Variants in CYP46A1 observed in about 807,000 individuals in gnomAD.
The protein encoded by CYP46A1 is cytochrome P450 family 46 subfamily A member 1.
A neutral mutation model predicts 63.3 loss-of-function variants in CYP46A1; 20 were observed. That is an observed-to-expected ratio of 0.32 (90% confidence interval 0.22 to 0.46). The LOEUF (loss-of-function observed/expected upper bound fraction) is 0.46, where lower values mean the gene tolerates loss of function less well. Ranked by LOEUF, CYP46A1 falls within the 20% of genes least tolerant of loss-of-function variation. CYP46A1 has a pLI of 1.00. For synonymous variants in CYP46A1, 268 were observed against 273.6 expected (o/e 0.98, Z 0.20); for missense variants, 445 against 670.8 (o/e 0.66, Z 3.72).
intron 3 of CYP46A1, among the ~76,000 whole-genome samples, chr14:99,695,978 CTGTTA>C (rs2056584341): frequency 6.6e-6 from 1 of 151,918 alleles, no homozygotes; most frequent in Admixed American, 6.6e-5. Flanking sequence ...TATCTTTTTT[CTGTTA>C]TATTACTTTT....
chr14:99,694,738 T>C (rs2056573142), intron 3 of CYP46A1, among the ~76,000 whole-genome samples: 3 of 152,304 alleles, frequency 2.0e-5, no homozygotes, highest in Non-Finnish European at 2.9e-5. Context: ...TGGCCTCAAG[T>C]GATTTGCCTG....
In CYP46A1 at chr14:99,684,363, C is replaced by T. The variant is rs1458575143; in HGVS notation, c.-55C>T. On this transcript the variant is annotated 5_prime_UTR_variant, in exon 1 of 15. Coordinates refer to ENST00000261835, the MANE Select transcript of CYP46A1 (RefSeq NM_006668.2). ...GACAGCTGAGTCGGCTCGCGGCCTC[C>T]CGGCCCCCTCGGCGCCCGGCCCGAC... 2 of 1,155,654 alleles carry T rather than the reference C, an allele frequency of 1.7e-6. No homozygotes were observed. Among genetic ancestry groups the T allele is most frequent in the Non-Finnish European group, 2.2e-6 (2 of 914,870 alleles). 71.6% of individuals were successfully genotyped at this position (1,155,654 alleles called of 1,614,324 possible).
At chr14:99,708,785 G>A (rs185201686) in intron 7 of CYP46A1, 155 of 152,318 alleles carry the variant, frequency 1.0e-3, no homozygotes, top group Non-Finnish European at 1.8e-3. Context: ...TACTGCTGGC[G>A]CCCACATATG....
chr14:99,688,901 G>C (rs554702158), intron 1 of CYP46A1, among the ~76,000 whole-genome samples: 1 of 152,078 alleles, frequency 6.6e-6, no homozygotes, highest in Admixed American at 6.6e-5. Context: ...TGCCCCCTCC[G>C]CCTTGTCCCG....
chr14:99,725,451 C>G lies in CYP46A1; in HGVS notation c.1237C>G (p.Pro413Ala). 1.2e-6 allele frequency: 2 copies of G among 1,614,138 alleles called. No individual in the cohort carries two copies. The highest frequency in any genetic ancestry group is 1.7e-6 in the Non-Finnish European group (2 of 1,179,982). ...TYFEDPLTFN[P>A]DRFGPGAPKP... Reference sequence around the variant, plus strand: ...CTTTGAGGACCCGCTGACTTTCAACCCCGATCGCTTCGGCCCTGGAGCACC... The same window carrying G: ...CTTTGAGGACCCGCTGACTTTCAACGCCGATCGCTTCGGCCCTGGAGCACC... Residue 413 changes from proline (P) to alanine (A), a missense_variant, in exon 13 of 15, where the codon CCC (proline) becomes GCC (alanine). This residue lies in a region of CYP46A1 where 95 missense variants were observed against 156.9 expected (regional missense o/e 0.61). Coordinates refer to ENST00000261835, the MANE Select transcript of CYP46A1 (RefSeq NM_006668.2). This position sits in a 1 kb window ranked among gnomAD's most constrained non-coding sequence, Gnocchi z 4.2.
At chr14:99,718,296 G>A (rs1438856675) in intron 10 of CYP46A1, among the ~76,000 whole-genome samples, 170 bp downstream of exon 10, 3 of 152,068 alleles carry the variant, frequency 2.0e-5, no homozygotes, top group African/African-American at 7.2e-5. Context: ...TTTTCCCCTG[G>A]AGAACACACC....
intron 2 of CYP46A1, chr14:99,691,491 C>T (rs993200271): frequency 8.3e-5 from 47 of 568,832 alleles, no homozygotes; most frequent in Non-Finnish European, 4.1e-5. Flanking sequence ...TTCAAAGATG[C>T]GAATCATTTG....
In CYP46A1 at chr14:99,715,993, C is replaced by T. The variant is rs376623935; in HGVS notation, c.844+33C>T. On this transcript the variant is annotated intron_variant, in intron 8 of 14. Coordinates refer to ENST00000261835, the MANE Select transcript of CYP46A1 (RefSeq NM_006668.2). ...GGCCCCCTCTGCGGACTGGGGAGGG[C>T]GGGGTGGGCCAGGACGTTCCCCAGG... The T allele has an allele frequency of 3.1e-4, 173 of 557,826 alleles. 1 individual carries two copies. The highest frequency in any genetic ancestry group is 6.6e-4 in the African/African-American group (32 of 48,366). 34.6% of individuals were successfully genotyped at this position (557,826 alleles called of 1,614,324 possible).
chr14:99,715,354 G>A (rs1455013374), intron 7 of CYP46A1, among the ~76,000 whole-genome samples: 1 of 152,126 alleles, frequency 6.6e-6, no homozygotes, highest in Non-Finnish European at 1.5e-5. Flanking sequence ...TCATGAAGAA[G>A]GAAGAAAGGG....
Position 99,684,396 on chromosome 14 carries a change from TG to T in CYP46A1, c.-20del. 7.1e-7 allele frequency: 1 copy of T among 1,407,002 alleles called. No homozygotes were observed. Among genetic ancestry groups the T allele is most frequent in the Non-Finnish European group, 9.3e-7 (1 of 1,079,560 alleles). The allele number at this position is 1,407,002 out of a possible 1,614,324, so 87.2% of individuals were successfully genotyped here. A position where few individuals can be genotyped will look rare whatever the true frequency, so the allele number is the denominator to read the frequency against. On this transcript the variant is annotated 5_prime_UTR_variant, in exon 1 of 15. Transcript: ENST00000261835. ...CTCGGCGCCCGGCCCGACCCTGGCC[TG>T]GCCTGCCCTGCCCCGGAGCCATGAG...
chr14:99,726,370 G>A (rs527387856), intron 14 of CYP46A1, 114 bp downstream of exon 14: 104 of 1,276,074 alleles, frequency 8.2e-5, no homozygotes, highest in East Asian at 2.8e-4. Flanking sequence ...CTGTGGGCTC[G>A]GGACCCAGCG....
In CYP46A1 at chr14:99,684,377, GC is replaced by G; in HGVS notation, c.-38del. 1.6e-6 allele frequency: 2 copies of G among 1,244,856 alleles called. No individual in the cohort carries two copies. Among genetic ancestry groups the G allele is most frequent in the Admixed American group, 4.2e-5 (1 of 23,586 alleles). The allele number at this position is 1,244,856 out of a possible 1,614,324, so 77.1% of individuals were successfully genotyped here. ...CTCGCGGCCTCCCGGCCCCCTCGGC[GC>G]CCGGCCCGACCCTGGCCTGGCCTGC... is the stretch of plus-strand genomic sequence containing the variant. On this transcript the variant is annotated 5_prime_UTR_variant, in exon 1 of 15. Coordinates refer to ENST00000261835, the MANE Select transcript of CYP46A1 (RefSeq NM_006668.2).
intron 10 of CYP46A1, 70 bp from the exon 11 acceptor site, chr14:99,721,169 C>A: frequency 8.7e-7 from 1 of 1,145,874 alleles, no homozygotes; most frequent in East Asian, 2.3e-5. Flanking sequence ...CCAGTGCCCC[C>A]TTCTTAAAGC....
chr14:99,721,015 G>T (rs2056841435), intron 10 of CYP46A1, among the ~76,000 whole-genome samples: 1 of 151,692 alleles, frequency 6.6e-6, no homozygotes, highest in Admixed American at 6.6e-5. Flanking sequence ...AATCCTGGGG[G>T]GAGGGCGGAG....
rs1303177596 is a variant in CYP46A1, at chr14:99,684,542, C to CG, written c.119+10dup. On this transcript the variant is annotated splice_region_variant and intron_variant, in intron 1 of 14. Coordinates refer to ENST00000261835, the MANE Select transcript of CYP46A1 (RefSeq NM_006668.2). ...CCCGGGCCGCCGCGGCCCAGGTGAG[C>CG]GGGGCTGGGGGCGGGGCCTGGCTGG... 6.9e-7 allele frequency: 1 copy of CG among 1,455,690 alleles called. No homozygotes were observed. Among genetic ancestry groups the CG allele is most frequent in the East Asian group, 2.9e-5 (1 of 34,430 alleles). 90.2% of individuals were successfully genotyped at this position (1,455,690 alleles called of 1,614,324 possible).
intron 4 of CYP46A1, 43 bp from the exon 5 acceptor site, chr14:99,699,972 A>AC (rs1359707066): frequency 6.6e-5 from 21 of 315,852 alleles, no homozygotes; most frequent in Non-Finnish European, 1.1e-4. Flanking sequence ...GTCGCTCCCC[A>AC]CCCCCCACCC....
chr14:99,689,815 C>T (rs972752991), intron 1 of CYP46A1, among the ~76,000 whole-genome samples: 1 of 152,214 alleles, frequency 6.6e-6, no homozygotes, highest in African/African-American at 2.4e-5. Flanking sequence ...TCCTCCCCTA[C>T]CCTGGTTACT....
intron 14 of CYP46A1, 103 bp from the exon 15 acceptor site, chr14:99,726,454 A>G (rs887994772): frequency 7.2e-6 from 9 of 1,249,298 alleles, no homozygotes; most frequent in Non-Finnish European, 9.8e-6. Flanking sequence ...AGGCTCTCAC[A>G]GGCTCTCCAG....
At chr14:99,685,488 ACTGT>A (rs951224338) in intron 1 of CYP46A1, among the ~76,000 whole-genome samples, 45 of 151,546 alleles carry the variant, frequency 3.0e-4, no homozygotes, top group Admixed American at 1.1e-3. Context: ...CCACCTGTTG[ACTGT>A]CTGTTCACCT....
Sources: allele counts gnomAD v4.1 joint callset (sites outside exome capture counted in the v4.1 genomes callset), GRCh38; gene constraint gnomAD v4.1.1; regional missense constraint gnomAD v4.1.1; non-coding constraint Gnocchi (gnomAD v3.1); transcripts MANE v1.5; gene names NCBI Gene and HGNC (gene_info 2026-07-23, HGNC 2026-07-21).